The following TPRKB variants were observed in gnomAD, a reference collection of about 807,000 sequenced individuals.
TPRKB encodes the protein TP53RK binding protein.
TPRKB carries 11 observed loss-of-function variants against 17.8 expected under a neutral mutation model. That is an observed-to-expected ratio of 0.62 (90% CI 0.39 to 1.02). The LOEUF is 1.02. Ranked by LOEUF, TPRKB falls within the 50% of genes least tolerant of loss-of-function variation. TPRKB has a pLI of 0.00. For synonymous variants in TPRKB, 71 were observed against 69.5 expected, an observed-to-expected ratio of 1.02 and a Z score of -0.11; for missense variants, 228 against 198.0, an observed-to-expected ratio of 1.15 and a Z score of -0.91.
chr2:73,731,596 A>G (rs1179422574), intron 3 of TPRKB, among the ~76,000 whole-genome samples: 1 of 152,232 alleles, frequency 6.6e-6, no homozygotes, highest in Non-Finnish European at 1.5e-5. Context: ...CTAAAACTTC[A>G]TCAGCAAAAT....
chr2:73,737,216 C>T (rs1027596032), intron 1 of TPRKB, 86 bp downstream of exon 1: 37 of 152,272 alleles, frequency 2.4e-4, no homozygotes, highest in African/African-American at 8.9e-4. Context: ...AAATACCAAC[C>T]GCAGCCGTTG....
At chr2:73,733,317 G>A (rs1440809881) in intron 2 of TPRKB, among the ~76,000 whole-genome samples, 1 of 138,214 alleles carries the variant, frequency 7.2e-6, no homozygotes. Context: ...GGAATGCAGT[G>A]GCTCAATCTC....
Position 73,729,978 on chromosome 2 carries a change from T to C in TPRKB, c.493A>G (p.Ile165Val), listed in dbSNP as rs1390678952. Residue 165 changes from isoleucine (I) to valine (V), a missense_variant, in exon 5 of 5, where the codon ATC (isoleucine) becomes GTC (valine). Ile to Val is a conservative substitution (Grantham distance 29, BLOSUM62 3). Coordinates refer to ENST00000272424, the MANE Select transcript of TPRKB (RefSeq NM_016058.5). ...TCTTTTGTTGACATTCTACAAATGA[T>C]AGCATCCAATAATGTCCCAATACTT... ...EESIGTLLDA[I>V]ICRMSTKDVL 1.9e-6 allele frequency: 3 copies of C among 1,575,558 alleles called. No homozygotes were observed. Among genetic ancestry groups the C allele is most frequent in the Non-Finnish European group, 2.6e-6 (3 of 1,157,746 alleles).
intron 3 of TPRKB, 164 bp downstream of exon 3, chr2:73,731,999 G>A (rs1363433822): frequency 1.1e-5 from 8 of 723,998 alleles, no homozygotes; most frequent in Non-Finnish European, 2.2e-6. Context: ...AACTGTCTTA[G>A]TAAGAGGCAG....
intron 1 of TPRKB, among the ~76,000 whole-genome samples, chr2:73,735,649 G>C (rs1671846221): frequency 6.6e-6 from 1 of 152,050 alleles, no homozygotes; most frequent in Non-Finnish European, 1.5e-5. Context: ...AGACATAAAA[G>C]AAACATAAAA....
At chr2:73,734,288 AG>A in intron 2 of TPRKB, 140 bp downstream of exon 2, 1 of 742,686 alleles carries the variant, frequency 1.3e-6, no homozygotes, top group Non-Finnish European at 2.0e-6. Context: ...TAGTTGAGAC[AG>A]GGTTTCACCA....
intron 3 of TPRKB, chr2:73,731,942 A>AAATT (rs1425692346): frequency 2.3e-6 from 1 of 438,126 alleles, no homozygotes; most frequent in Non-Finnish European, 4.0e-6. Flanking sequence ...AGAACAGATA[A>AAATT]AATTAACCTC....
In TPRKB at chr2:73,732,429, C is replaced by T. The variant is rs919389254; in HGVS notation, c.142-144G>A. ...GTCTGTATTTTCAAAACTATTATCC[C>T]GGCTGGGCACGGTGGCTCACACCTG... On this transcript the variant is annotated intron_variant, in intron 2 of 4. Coordinates refer to ENST00000272424, the MANE Select transcript of TPRKB (RefSeq NM_016058.5). 3.7e-5 allele frequency: 35 copies of T among 955,256 alleles called. No individual in the cohort carries two copies. In the African/African-American group the frequency reaches 4.7e-4, roughly 13 times the overall value. The allele number at this position is 955,256 out of a possible 1,614,324, so 59.2% of individuals were successfully genotyped here. A position where few individuals can be genotyped will look rare whatever the true frequency, so the allele number is the denominator to read the frequency against.
chr2:73,733,260 T>G (rs998134685), intron 2 of TPRKB, among the ~76,000 whole-genome samples: 2 of 145,500 alleles, frequency 1.4e-5, no homozygotes, highest in Admixed American at 6.8e-5. Flanking sequence ...TTTTGTTTTT[T>G]TTTTTTTTTG....
intron 3 of TPRKB, among the ~76,000 whole-genome samples, chr2:73,731,674 T>C (rs1275486395): frequency 6.6e-6 from 1 of 152,212 alleles, no homozygotes; most frequent in Non-Finnish European, 1.5e-5. Context: ...TGAAAAAGCA[T>C]TACTATAAGT....
chr2:73,735,300 C>G (rs1295528674), intron 1 of TPRKB, among the ~76,000 whole-genome samples: 1 of 151,352 alleles, frequency 6.6e-6, no homozygotes, highest in Non-Finnish European at 1.5e-5. Flanking sequence ...CCATTGCACC[C>G]CAGCCTGGGC....
intron 3 of TPRKB, among the ~76,000 whole-genome samples, chr2:73,731,409 C>T (rs1451521607): frequency 6.6e-6 from 1 of 152,136 alleles, no homozygotes; most frequent in East Asian, 1.9e-4. Flanking sequence ...TGAATTATGT[C>T]TAATGATCTC....
At chr2:73,732,006 G>T in intron 3 of TPRKB, 157 bp downstream of exon 3, 1 of 761,068 alleles carries the variant, frequency 1.3e-6, no homozygotes, top group Non-Finnish European at 2.1e-6. Context: ...TTAGTAAGAG[G>T]CAGGGTTAAA....
rs779425060 is a variant in TPRKB, at chr2:73,732,261, C to G, written c.166G>C (p.Val56Leu). 1 of 1,613,896 alleles carries G rather than the reference C, an allele frequency of 6.2e-7. No homozygotes were observed. Among genetic ancestry groups the G allele is most frequent in the Non-Finnish European group, 8.5e-7 (1 of 1,179,924 alleles). The change falls in exon 3 of 5, where the codon GTG becomes CTG. Residue 56 changes from valine (V) to leucine (L), a missense_variant. Coordinates refer to ENST00000272424, the MANE Select transcript of TPRKB (RefSeq NM_016058.5). ...TVIVDPFQILVAANKAVHLYK... is the reference protein window; with the variant it reads ...TVIVDPFQILLAANKAVHLYK... ...AGGTGAACTGCTTTGTTTGCTGCCACAAGTATCTGAAATGGATCAACAATC... is the reference window on the plus strand; with the variant it reads ...AGGTGAACTGCTTTGTTTGCTGCCAGAAGTATCTGAAATGGATCAACAATC...
In TPRKB at chr2:73,732,035, A is replaced by C. The variant is rs1225591647; in HGVS notation, c.264+128T>G. On this transcript the variant is annotated intron_variant, in intron 3 of 4. Coordinates refer to ENST00000272424, the MANE Select transcript of TPRKB (RefSeq NM_016058.5). ...GGTTAAACCTCAACTCTCTGTCCAG[A>C]GCTCTCTTCACTATTATTTGGGTTT... The C allele has an allele frequency of 7.7e-6, 8 of 1,044,320 alleles. No homozygotes were observed. In the East Asian group the frequency reaches 1.9e-4, roughly 25 times the overall value. The allele number at this position is 1,044,320 out of a possible 1,614,324, so 64.7% of individuals were successfully genotyped here. A position where few individuals can be genotyped will look rare whatever the true frequency, so the allele number is the denominator to read the frequency against.
At position 73,736,352 on chromosome 2, in the gene TPRKB, T is replaced by C. The variant is rs938599059; in HGVS notation, c.-23+950A>G. The stretch of plus-strand genomic sequence containing the variant: ...TAGTGAGGTTATGAGGTGATTTTTA[T>C]TGTCCTTTATATAAAAGAAAATATT... On this transcript the variant is annotated intron_variant, in intron 1 of 4. Transcript: ENST00000272424. Among the ~76,000 whole-genome samples the C allele has an allele frequency of 6.6e-5, 10 of 152,196 alleles. No individual in the cohort carries two copies. In the South Asian group the frequency reaches 8.3e-4, roughly 13 times the overall value.
At chr2:73,734,925 G>T (rs928094693) in intron 1 of TPRKB, among the ~76,000 whole-genome samples, 1 of 152,154 alleles carries the variant, frequency 6.6e-6, no homozygotes, top group Non-Finnish European at 1.5e-5. Flanking sequence ...GTTGCTTACG[G>T]TATTAATGAA....
At chr2:73,730,423 A>C in intron 4 of TPRKB, 137 bp downstream of exon 4, 2 of 610,288 alleles carry the variant, frequency 3.3e-6, no homozygotes, top group Non-Finnish European at 5.3e-6. Context: ...TGTATCTGTA[A>C]TTTTTAAGTA....
chr2:73,733,818 T>C (rs933735384), intron 2 of TPRKB, among the ~76,000 whole-genome samples: 1 of 148,234 alleles, frequency 6.7e-6, no homozygotes, highest in South Asian at 2.1e-4. Context: ...TTCATTCTTT[T>C]TTTTTTTTTT....
Sources: gnomAD v4.1 joint callset for allele counts (sites outside exome capture counted in the v4.1 genomes callset) on GRCh38, gnomAD v4.1.1 for gene constraint, MANE v1.5 for transcripts, NCBI Gene and HGNC (gene_info 2026-07-23, HGNC 2026-07-21) for gene names.